SLAMF6: variants seen among roughly 807,000 people sequenced by gnomAD.
SLAMF6 encodes the protein SLAM family member 6, also known as NK-T-B-antigen.
A neutral mutation model predicts 38.3 loss-of-function variants in SLAMF6; 21 were observed. The observed-to-expected ratio is 0.55, with a 90% CI of 0.39 to 0.79. SLAMF6 has a LOEUF of 0.79. SLAMF6 is among the 30% of genes least tolerant of loss of function. SLAMF6 has a pLI of 0.00. For synonymous variants in SLAMF6, 152 were observed against 146.3 expected (o/e 1.04, Z -0.28); for missense variants, 341 against 385.3 (o/e 0.89, Z 0.96).
In SLAMF6 at chr1:160,496,164, G is replaced by A. The variant is rs746494910; in HGVS notation, c.279C>T (p.Ser93=). The A allele has an allele frequency of 1.9e-6, 3 of 1,613,944 alleles. No homozygotes were observed. Among genetic ancestry groups the A allele is most frequent in the Admixed American group, 1.7e-5 (1 of 59,962 alleles). ...CCATCTTCAGGTTGCTGAGTTGCAG[G>A]GAGTAGGACTGGGTGAAGTTCAGTC... ...GKRLNFTQSY[S]LQLSNLKMED... The change falls in exon 2 of 8, where the codon TCC becomes TCT. Residue 93 remains serine, a synonymous_variant. Coordinates refer to ENST00000368057, the MANE Select transcript of SLAMF6 (RefSeq NM_001184714.2).
At chr1:160,521,859 C>T (rs1301775022) in intron 1 of SLAMF6, among the ~76,000 whole-genome samples, 1 of 152,126 alleles carries the variant, frequency 6.6e-6, no homozygotes, top group East Asian at 1.9e-4. Flanking sequence ...CATATTTCAT[C>T]TCTCCCTTTC....
At position 160,491,398 on chromosome 1, in the gene SLAMF6, G is replaced by GA. The variant is rs368196600; in HGVS notation, c.383-11dup. 2.0e-3 allele frequency: 2,767 copies of GA among 1,389,042 alleles called. 4 individuals carry two copies. Among genetic ancestry groups the GA allele is most frequent in the South Asian group, 9.0e-3 (668 of 74,364 alleles). 86.0% of individuals were successfully genotyped at this position (1,389,042 alleles called of 1,614,324 possible). ...ATGTTCCTCAGTTGTCCTGTTTGCA[G>GA]AAAAAAAAAAGATCCAGATTAAGGA... is the stretch of plus-strand genomic sequence containing the variant. On this transcript the variant is annotated splice_polypyrimidine_tract_variant and intron_variant, in intron 2 of 7. Transcript: ENST00000368057.
chr1:160,512,901 A>T (rs1315362509), intron 1 of SLAMF6, among the ~76,000 whole-genome samples: 8 of 152,222 alleles, frequency 5.3e-5, no homozygotes, highest in Admixed American at 5.2e-4. Flanking sequence ...ACTCAGGAAG[A>T]TGAGAAAGAA....
chr1:160,519,545 G>A (rs909483359), intron 1 of SLAMF6, among the ~76,000 whole-genome samples: 1 of 152,096 alleles, frequency 6.6e-6, no homozygotes, highest in Non-Finnish European at 1.5e-5. Context: ...AAACAACCCA[G>A]GTGTCCACTG....
At chr1:160,517,401 G>A (rs1441729641) in intron 1 of SLAMF6, among the ~76,000 whole-genome samples, 1 of 152,216 alleles carries the variant, frequency 6.6e-6, no homozygotes, top group Non-Finnish European at 1.5e-5. Flanking sequence ...CTTTTACACT[G>A]TTGGGAATGT....
chr1:160,490,457 G>C (rs1653224579), intron 4 of SLAMF6, 118 bp downstream of exon 4: 5 of 1,422,152 alleles, frequency 3.5e-6, no homozygotes, highest in Non-Finnish European at 4.8e-6. Context: ...CTGAGCCAGG[G>C]TTTGCAGCCT....
chr1:160,488,817 GT>G (rs1653108778), intron 6 of SLAMF6, among the ~76,000 whole-genome samples: 1 of 152,206 alleles, frequency 6.6e-6, no homozygotes, highest in South Asian at 2.1e-4. Context: ...TGTACTTTCA[GT>G]CAGCTTGTAA....
At chr1:160,512,859 G>A (rs1174510880) in intron 1 of SLAMF6, among the ~76,000 whole-genome samples, 2 of 152,048 alleles carry the variant, frequency 1.3e-5, no homozygotes, top group Admixed American at 6.6e-5. Context: ...CCCATCCAAA[G>A]ATCAGCAGAC....
chr1:160,501,659 C>G (rs992716939), intron 1 of SLAMF6, among the ~76,000 whole-genome samples: 1 of 150,614 alleles, frequency 6.6e-6, no homozygotes, highest in Non-Finnish European at 1.5e-5. Context: ...ATGAGTTCTC[C>G]ATTACTTAAT....
chr1:160,500,565 G>C (rs1653832147), intron 1 of SLAMF6, among the ~76,000 whole-genome samples: 1 of 151,884 alleles, frequency 6.6e-6, no homozygotes, highest in Non-Finnish European at 1.5e-5. Flanking sequence ...TGCACATCCA[G>C]CTGCCTTTGG....
At chr1:160,503,972 C>T (rs1325980307) in intron 1 of SLAMF6, among the ~76,000 whole-genome samples, 1 of 128,016 alleles carries the variant, frequency 7.8e-6, no homozygotes, top group African/African-American at 2.9e-5. Context: ...GAGCTGAGAT[C>T]ATGCCATTGC....
Position 160,486,550 on chromosome 1 carries a change from G to A in SLAMF6, c.*157C>T. 1 of 661,060 alleles carries A rather than the reference G, an allele frequency of 1.5e-6. No individual in the cohort carries two copies. The highest frequency in any genetic ancestry group is 2.6e-6 in the Non-Finnish European group (1 of 384,174). 40.9% of individuals were successfully genotyped at this position (661,060 alleles called of 1,614,324 possible). A position where few individuals can be genotyped will look rare whatever the true frequency, so the allele number is the denominator to read the frequency against. Reference sequence around the variant, plus strand: ...ATCCTTAGGTGTTTGACTCAGGTAGGCAGGTTTAAGTCCGAAGGACTGGAG... The same window carrying A: ...ATCCTTAGGTGTTTGACTCAGGTAGACAGGTTTAAGTCCGAAGGACTGGAG... On this transcript the variant is annotated 3_prime_UTR_variant, in exon 8 of 8. Transcript: ENST00000368057.
intron 1 of SLAMF6, among the ~76,000 whole-genome samples, chr1:160,507,124 C>T (rs1654227765): frequency 6.6e-6 from 1 of 151,958 alleles, no homozygotes; most frequent in Non-Finnish European, 1.5e-5. Context: ...AAACAGGATT[C>T]AACTATTTTC....
chr1:160,501,638 G>A (rs1653899510), intron 1 of SLAMF6, among the ~76,000 whole-genome samples: 1 of 151,112 alleles, frequency 6.6e-6, no homozygotes, highest in Non-Finnish European at 1.5e-5. Flanking sequence ...GCAAAGTCTT[G>A]AATAAAAGCT....
At chr1:160,488,103 A>C (rs533914427) in intron 6 of SLAMF6, among the ~76,000 whole-genome samples, 3 of 151,852 alleles carry the variant, frequency 2.0e-5, no homozygotes, top group South Asian at 2.1e-4. Context: ...AAAAAAAAAA[A>C]AACCAAAAAA....
chr1:160,493,474 T>A (rs1185932012), intron 2 of SLAMF6, among the ~76,000 whole-genome samples: 1 of 152,210 alleles, frequency 6.6e-6, no homozygotes, highest in East Asian at 1.9e-4. Context: ...CTTGTTTATA[T>A]GTTATGTGAA....
At chr1:160,495,227 C>G (rs1008431436) in intron 2 of SLAMF6, among the ~76,000 whole-genome samples, 1 of 152,104 alleles carries the variant, frequency 6.6e-6, no homozygotes, top group East Asian at 1.9e-4. Flanking sequence ...ACAGAATTTC[C>G]GTGGCCTTTA....
intron 1 of SLAMF6, among the ~76,000 whole-genome samples, chr1:160,508,310 T>G (rs909162254): frequency 1.3e-5 from 2 of 151,988 alleles, no homozygotes; most frequent in East Asian, 1.9e-4. Flanking sequence ...CCAAAACATA[T>G]ATATAGATCA....
intron 6 of SLAMF6, among the ~76,000 whole-genome samples, chr1:160,487,559 T>C (rs1202631476): frequency 1.3e-5 from 2 of 152,226 alleles, no homozygotes; most frequent in African/African-American, 4.8e-5. Context: ...TTACTAGCTA[T>C]GACTGAAACT....
Sources: allele counts gnomAD v4.1 joint callset (sites outside exome capture counted in the v4.1 genomes callset), GRCh38; gene constraint gnomAD v4.1.1; transcripts MANE v1.5; gene names NCBI Gene and HGNC (gene_info 2026-07-23, HGNC 2026-07-21).